The following MSR1 variants were observed in gnomAD, a reference collection of about 807,000 sequenced individuals.
The protein encoded by MSR1 is macrophage scavenger receptor 1.
MSR1 carries 53 observed loss-of-function variants against 47.2 expected under a neutral mutation model. The ratio of observed to expected loss-of-function variants is 1.12; its 90% CI spans 0.90 to 1.41. The LOEUF is 1.41. MSR1 is among the 40% of genes most tolerant of loss of function. The pLI is 0.00. For synonymous variants in MSR1, 239 were observed against 185.6 expected (o/e 1.29, Z -2.34); for missense variants, 786 against 546.9 (o/e 1.44, Z -4.36).
At chr8:16,192,257 T>C (rs1802219258) in intron 1 of MSR1, among the ~76,000 whole-genome samples, 1 of 152,152 alleles carries the variant, frequency 6.6e-6, no homozygotes, top group Non-Finnish European at 1.5e-5. Context: ...CAAATTATAC[T>C]TTGAATAAAA....
intron 7 of MSR1, among the ~76,000 whole-genome samples, chr8:16,147,668 T>C (rs1800737603): frequency 6.6e-6 from 1 of 152,152 alleles, no homozygotes; most frequent in South Asian, 2.1e-4. Context: ...CTTCAGACTC[T>C]TGTAGAGGAG....
chr8:16,138,286 A>C (rs561542759), intron 8 of MSR1, among the ~76,000 whole-genome samples: 1 of 152,228 alleles, frequency 6.6e-6, no homozygotes, highest in South Asian at 2.1e-4. Flanking sequence ...CAAGTGTTGT[A>C]TTGTATGGTA....
intron 9 of MSR1, among the ~76,000 whole-genome samples, chr8:16,112,629 C>A (rs1197094578): frequency 6.6e-6 from 1 of 152,002 alleles, no homozygotes; most frequent in Non-Finnish European, 1.5e-5. Flanking sequence ...AAAATTTTAT[C>A]CTTGTGTAAA....
chr8:16,181,017 C>A (rs955274183), intron 1 of MSR1, among the ~76,000 whole-genome samples: 2 of 151,468 alleles, frequency 1.3e-5, no homozygotes, highest in Admixed American at 1.3e-4. Flanking sequence ...TGTAAGAAGC[C>A]AAACTGGATT....
intron 9 of MSR1, 29 bp from the exon 10 acceptor site, chr8:16,110,247 T>A: frequency 6.2e-7 from 1 of 1,611,946 alleles, no homozygotes; most frequent in East Asian, 2.2e-5. Context: ...ACTGCATTAG[T>A]AAGTTTAGAG....
At chr8:16,129,408 A>C (rs1198542856) in intron 8 of MSR1, among the ~76,000 whole-genome samples, 1 of 152,132 alleles carries the variant, frequency 6.6e-6, no homozygotes, top group African/African-American at 2.4e-5. Context: ...TGGAGACTCC[A>C]TGTGAAACAA....
intron 3 of MSR1, among the ~76,000 whole-genome samples, chr8:16,174,297 T>A (rs769499360): frequency 6.6e-6 from 1 of 152,212 alleles, no homozygotes; most frequent in Non-Finnish European, 1.5e-5. Context: ...TAAAAATGTA[T>A]CTTATTCCCA....
At chr8:16,140,777 G>C in intron 8 of MSR1, 2 of 1,454,604 alleles carry the variant, frequency 1.4e-6, no homozygotes, top group Non-Finnish European at 1.8e-6. Flanking sequence ...GGTGATGGTG[G>C]AGTAATTGGA....
intron 5 of MSR1, among the ~76,000 whole-genome samples, chr8:16,157,373 C>T (rs556621388): frequency 2.0e-5 from 3 of 151,772 alleles, no homozygotes; most frequent in Non-Finnish European, 4.4e-5. Flanking sequence ...TATTATTTTA[C>T]AAAATTTGGA....
At chr8:16,192,382 A>G (rs1199838453) in intron 1 of MSR1, among the ~76,000 whole-genome samples, 1 of 152,142 alleles carries the variant, frequency 6.6e-6, no homozygotes, top group East Asian at 1.9e-4. Context: ...TTTTTCACTC[A>G]TGGAAAATTT....
chr8:16,135,786 T>A (rs1800374319), intron 8 of MSR1, among the ~76,000 whole-genome samples: 1 of 152,156 alleles, frequency 6.6e-6, no homozygotes, highest in Non-Finnish European at 1.5e-5. Flanking sequence ...GTATTGAGGT[T>A]AACTGAAATT....
intron 8 of MSR1, among the ~76,000 whole-genome samples, chr8:16,124,013 T>C (rs1800070698): frequency 6.6e-6 from 1 of 152,156 alleles, no homozygotes; most frequent in Non-Finnish European, 1.5e-5. Flanking sequence ...ACAGTTTCTT[T>C]CTTGATGACA....
intron 1 of MSR1, among the ~76,000 whole-genome samples, chr8:16,187,042 C>G (rs1440970569): frequency 2.0e-5 from 3 of 152,076 alleles, no homozygotes; most frequent in East Asian, 3.9e-4. Flanking sequence ...CTCAAAGCCC[C>G]TGAATGCCTT....
In MSR1 at chr8:16,163,521, G is replaced by A. The variant is rs371953715; in HGVS notation, c.817+544C>T. On this transcript the variant is annotated intron_variant, in intron 5 of 9. Coordinates refer to ENST00000262101, the MANE Select transcript of MSR1 (RefSeq NM_138715.3). Reference sequence around the variant, plus strand: ...AAAACTAAAATATCTAAAATGTAAAGCTAAAACTGAAAGCCTATATATATA... The same window carrying A: ...AAAACTAAAATATCTAAAATGTAAAACTAAAACTGAAAGCCTATATATATA... Among the ~76,000 whole-genome samples the A allele has an allele frequency of 7.9e-5, 12 of 151,062 alleles. No individual in the cohort carries two copies. The East Asian group carries it at 1.9e-3, about 24-fold the overall frequency.
chr8:16,171,603 T>C (rs560377140), intron 3 of MSR1, among the ~76,000 whole-genome samples: 2 of 152,212 alleles, frequency 1.3e-5, no homozygotes, highest in South Asian at 4.1e-4. Flanking sequence ...AATTCTTATA[T>C]ACTATGTGGA....
In MSR1 at chr8:16,109,507, C is replaced by T. The variant is rs1285196259; in HGVS notation, c.*578G>A. 1.3e-5 allele frequency: 2 copies of T among 153,736 alleles called. No individual in the cohort carries two copies. The highest frequency in any genetic ancestry group is 6.4e-5 in the Admixed American group (1 of 15,568). The allele number at this position is 153,736 out of a possible 1,614,324, so 9.5% of individuals were successfully genotyped here. A position where few individuals can be genotyped will look rare whatever the true frequency, so the allele number is the denominator to read the frequency against. On this transcript the variant is annotated 3_prime_UTR_variant, in exon 10 of 10. Transcript: ENST00000262101. ...GTCAGTACATGACAAGAAAAATAAG[C>T]TCCCTGGTCCATAGTGGCCAAGACA...
intron 8 of MSR1, among the ~76,000 whole-genome samples, chr8:16,130,163 T>C (rs62489577): frequency 0.048 from 7,330 of 152,284 alleles, 261 homozygotes; most frequent in South Asian, 0.1. Context: ...GCTGGATCCA[T>C]AATTGATTTA....
chr8:16,174,033 G>A (rs1801567371), intron 3 of MSR1, among the ~76,000 whole-genome samples: 1 of 152,178 alleles, frequency 6.6e-6, no homozygotes, highest in Admixed American at 6.5e-5. Flanking sequence ...AGTAACTCGG[G>A]TTCGGAAGTC....
At chr8:16,144,248 G>A (rs887074065) in intron 7 of MSR1, among the ~76,000 whole-genome samples, 5 of 151,916 alleles carry the variant, frequency 3.3e-5, no homozygotes, top group South Asian at 2.1e-4. Flanking sequence ...TTTTGCCAAC[G>A]GATTGCTACT....
Sources: allele counts gnomAD v4.1 joint callset (sites outside exome capture counted in the v4.1 genomes callset), GRCh38; gene constraint gnomAD v4.1.1; transcripts MANE v1.5; gene names NCBI Gene and HGNC (gene_info 2026-07-23, HGNC 2026-07-21).